Variants in DACH1 observed in about 807,000 individuals in gnomAD.
DACH1 encodes the protein dachshund homolog 1.
DACH1 carries 12 observed loss-of-function variants against 54.2 expected under a neutral mutation model. The ratio of observed to expected loss-of-function variants is 0.22; its 90% CI spans 0.14 to 0.36. The LOEUF (loss-of-function observed/expected upper bound fraction) is 0.36. Ranked by LOEUF, DACH1 falls within the 10% of genes least tolerant of loss-of-function variation. DACH1 has a pLI of 1.00. For synonymous variants in DACH1, 386 were observed against 366.2 expected, an observed-to-expected ratio of 1.05 and a Z score of -0.62; for missense variants, 805 against 929.8, an observed-to-expected ratio of 0.87 and a Z score of 1.75.
chr13:71,621,700 CTT>C (rs1243919771), intron 3 of DACH1, among the ~76,000 whole-genome samples: 2 of 152,002 alleles, frequency 1.3e-5, no homozygotes, highest in African/African-American at 4.8e-5. Context: ...AATCAACACT[CTT>C]TGCTTATCAT....
intron 1 of DACH1, among the ~76,000 whole-genome samples, chr13:71,718,162 A>AT (rs1287940475): frequency 3.3e-5 from 5 of 152,172 alleles, no homozygotes; most frequent in Non-Finnish European, 2.9e-5. Context: ...ACAAAATGGG[A>AT]ACCTTAAAAT....
chr13:71,522,932 C>T (rs1037311784), intron 6 of DACH1, among the ~76,000 whole-genome samples: 1 of 152,098 alleles, frequency 6.6e-6, no homozygotes, highest in Non-Finnish European at 1.5e-5. Context: ...AGTTACTTTG[C>T]TTGTCTCTCC....
intron 1 of DACH1, among the ~76,000 whole-genome samples, chr13:71,689,418 TC>T (rs1881362841): frequency 6.6e-6 from 1 of 152,154 alleles, no homozygotes; most frequent in South Asian, 2.1e-4. Flanking sequence ...AAGCAGGTGA[TC>T]ATCTAACTTG....
rs544952049 is a variant in DACH1 at position 71,728,919 on chromosome 13, G to GT, written c.849-47010dup. Among the ~76,000 whole-genome samples, 605 of 151,954 alleles carry GT rather than the reference G, an allele frequency of 4.0e-3. 6 individuals are homozygous for GT. Among genetic ancestry groups the GT allele is most frequent in the African/African-American group, 0.014 (581 of 41,520 alleles). On this transcript the variant is annotated intron_variant, in intron 1 of 10. Coordinates refer to ENST00000613252, the MANE Select transcript of DACH1 (RefSeq NM_080759.6). ...GTTTGGGTTTTGTTTGGTTTTTGAG[G>GT]TTTTTTTAACTATGTAAATTAAATA...
rs1877828086 is a variant in DACH1, at chr13:71,479,239, C to T, written c.1800G>A (p.Met600Ile). The T allele has an allele frequency of 1.2e-6, 2 of 1,613,750 alleles. No individual in the cohort carries two copies. The highest frequency in any genetic ancestry group is 1.3e-5 in the African/African-American group (1 of 75,032). The stretch of plus-strand genomic sequence containing the variant: ...TTAGTTCTCTTTCCCTTAAAAAATC[C>T]ATCTTCAGCTCAGTTTTTTCCAGTT... The part of the protein sequence containing the change: ...QVQLEKTELK[M>I]DFLRERELRE... Residue 600 changes from methionine to isoleucine, a missense_variant, in exon 8 of 11, where the codon ATG (methionine) becomes ATA (isoleucine). Around this residue, in one of 3 missense-constraint regions of DACH1, gnomAD observed 472 missense variants for 545.3 expected, o/e 0.87. Transcript: ENST00000613252.
At chr13:71,827,757 AAGAAT>A (rs1888434871) in intron 1 of DACH1, among the ~76,000 whole-genome samples, 1 of 152,190 alleles carries the variant, frequency 6.6e-6, no homozygotes, top group East Asian at 1.9e-4. Flanking sequence ...GAAGTGAGAA[AAGAAT>A]AGGAGAAAAA....
intron 1 of DACH1, among the ~76,000 whole-genome samples, chr13:71,823,276 T>C (rs1888261636): frequency 6.6e-6 from 1 of 152,114 alleles, no homozygotes; most frequent in African/African-American, 2.4e-5. Context: ...GTTATTCTAT[T>C]ATTAAGACAA....
chr13:71,496,258 T>C (rs1879398352), intron 6 of DACH1, among the ~76,000 whole-genome samples: 2 of 54,982 alleles, frequency 3.6e-5, no homozygotes, highest in South Asian at 6.3e-4. Context: ...AAAAAATTGC[T>C]ATGTATATAT....
At chr13:71,539,694 T>A (rs186718673) in intron 6 of DACH1, among the ~76,000 whole-genome samples, 23 of 152,226 alleles carry the variant, frequency 1.5e-4, no homozygotes, top group Non-Finnish European at 3.2e-4. Flanking sequence ...GTGAATTAAA[T>A]TTGGGTAAAA....
chr13:71,606,647 G>T (rs1414446044), intron 3 of DACH1, among the ~76,000 whole-genome samples: 1 of 151,990 alleles, frequency 6.6e-6, no homozygotes, highest in East Asian at 1.9e-4. Context: ...ACACTGAATT[G>T]TTTTAACTAG....
At chr13:71,660,328 A>G (rs988977216) in intron 2 of DACH1, among the ~76,000 whole-genome samples, 3 of 152,112 alleles carry the variant, frequency 2.0e-5, no homozygotes, top group African/African-American at 7.2e-5. Context: ...TCATAATTAT[A>G]TACAAGGGTT....
chr13:71,753,419 C>T (rs1027087975), intron 1 of DACH1, among the ~76,000 whole-genome samples: 4 of 152,136 alleles, frequency 2.6e-5, no homozygotes, highest in East Asian at 3.9e-4. Flanking sequence ...GGTTCGTGCA[C>T]CATCACATGC....
chr13:71,856,799 T>C (rs1357429967), intron 1 of DACH1, among the ~76,000 whole-genome samples: 1 of 151,910 alleles, frequency 6.6e-6, no homozygotes, highest in Non-Finnish European at 1.5e-5. Context: ...TTTAACTGGA[T>C]CTTTACTAGG....
intron 3 of DACH1, among the ~76,000 whole-genome samples, chr13:71,603,987 T>C (rs1302726324): frequency 6.6e-6 from 1 of 151,916 alleles, no homozygotes; most frequent in Admixed American, 6.6e-5. Context: ...TGTGAAGATA[T>C]ATCTAATTAG....
At chr13:71,763,903 T>C (rs950763375) in intron 1 of DACH1, among the ~76,000 whole-genome samples, 1 of 152,322 alleles carries the variant, frequency 6.6e-6, no homozygotes, top group Non-Finnish European at 1.5e-5. Flanking sequence ...AGGGGCAAAA[T>C]GCCCACCTTT....
intron 2 of DACH1, among the ~76,000 whole-genome samples, chr13:71,660,944 A>C (rs1157852980): frequency 6.6e-6 from 1 of 150,724 alleles, no homozygotes; most frequent in Admixed American, 6.6e-5. Context: ...CACTCTTTAG[A>C]GAGTATTATG....
intron 1 of DACH1, among the ~76,000 whole-genome samples, chr13:71,792,081 T>C (rs760908858): frequency 5.9e-5 from 9 of 152,236 alleles, no homozygotes; most frequent in Non-Finnish European, 1.3e-4. Flanking sequence ...TCTTAGCTTC[T>C]TATCCTGTAG....
chr13:71,807,958 T>C (rs1887575890), intron 1 of DACH1, among the ~76,000 whole-genome samples: 1 of 152,140 alleles, frequency 6.6e-6, no homozygotes, highest in African/African-American at 2.4e-5. Context: ...GTCAACCTTA[T>C]CAAATAATGT....
At chr13:71,556,291 CTATATT>C (rs964994648) in intron 6 of DACH1, among the ~76,000 whole-genome samples, 6 of 152,038 alleles carry the variant, frequency 3.9e-5, no homozygotes, top group African/African-American at 9.7e-5. Flanking sequence ...ATTATCCTAT[CTATATT>C]TATAAAGTTT....
Sources: gnomAD v4.1 joint callset for allele counts (sites outside exome capture counted in the v4.1 genomes callset) on GRCh38, gnomAD v4.1.1 for gene constraint, gnomAD v4.1.1 regional missense constraint, MANE v1.5 for transcripts, NCBI Gene and HGNC (gene_info 2026-07-23, HGNC 2026-07-21) for gene names.